Variants in STXBP6 observed in about 807,000 individuals in gnomAD.
STXBP6 encodes the protein syntaxin-binding protein 6.
A neutral mutation model predicts 26.9 loss-of-function variants in STXBP6; 21 were observed. The ratio of observed to expected loss-of-function variants is 0.78; its 90% CI spans 0.55 to 1.12. The LOEUF (loss-of-function observed/expected upper bound fraction) is 1.12. Ranked by LOEUF, STXBP6 falls within the 50% of genes most tolerant of loss-of-function variation. The pLI, the probability that STXBP6 is intolerant of heterozygous loss-of-function variation, is 0.00. For missense variants in STXBP6, 232 were observed against 257.9 expected (o/e 0.90, Z 0.69); for synonymous variants, 97 against 92.6 (o/e 1.05, Z -0.27).
chr14:24,881,886 G>C (rs2070369061), intron 2 of STXBP6, among the ~76,000 whole-genome samples: 1 of 152,224 alleles, frequency 6.6e-6, no homozygotes, highest in Non-Finnish European at 1.5e-5. Flanking sequence ...ATATCTCTAT[G>C]AATGGGGAAG....
At chr14:24,826,379 T>C (rs940308310) in intron 4 of STXBP6, among the ~76,000 whole-genome samples, 1 of 152,130 alleles carries the variant, frequency 6.6e-6, no homozygotes, top group African/African-American at 2.4e-5. Flanking sequence ...GTTTGGCCCA[T>C]AGACACTGAA....
chr14:24,924,438 T>C (rs2072090206), intron 2 of STXBP6, among the ~76,000 whole-genome samples: 2 of 152,202 alleles, frequency 1.3e-5, no homozygotes, highest in South Asian at 4.1e-4. Context: ...TAATGCAATT[T>C]TCTTCACAGA....
rs974891641 is a variant in STXBP6 at position 24,858,121 on chromosome 14, T to C, written c.155-964A>G. Among the ~76,000 whole-genome samples the C allele has an allele frequency of 2.6e-5, 4 of 152,112 alleles. No homozygotes were observed. The East Asian group carries it at 7.7e-4, about 29-fold the overall frequency. On this transcript the variant is annotated intron_variant, in intron 2 of 5. Transcript: ENST00000323944. ...TATGCATCTGTGGCATATTCTTTGT[T>C]TCGAATCACCCCACAGATTCCACAC...
At chr14:24,876,702 TA>T (rs1384958428) in intron 2 of STXBP6, among the ~76,000 whole-genome samples, 3 of 152,224 alleles carry the variant, frequency 2.0e-5, no homozygotes, top group Non-Finnish European at 4.4e-5. Context: ...AAGGTTCACT[TA>T]ATTTTAAAAT....
intron 2 of STXBP6, among the ~76,000 whole-genome samples, chr14:24,876,137 A>G (rs1322670373): frequency 1.3e-5 from 2 of 152,048 alleles, no homozygotes; most frequent in African/African-American, 4.8e-5. Flanking sequence ...ATCTCATTTA[A>G]CTCTGAAACT....
intron 2 of STXBP6, among the ~76,000 whole-genome samples, chr14:24,874,799 G>C (rs1435600188): frequency 1.3e-5 from 2 of 152,078 alleles, no homozygotes; most frequent in Admixed American, 1.3e-4. Flanking sequence ...GCACTACACG[G>C]TGGCTCTTTC....
At chr14:24,926,655 C>T (rs961321384) in intron 2 of STXBP6, among the ~76,000 whole-genome samples, 13 of 151,970 alleles carry the variant, frequency 8.6e-5, no homozygotes, top group African/African-American at 2.4e-4. Context: ...ATATTTCCAA[C>T]GCAGAGGCTA....
intron 1 of STXBP6, among the ~76,000 whole-genome samples, chr14:24,977,154 G>A (rs1331822678): frequency 6.6e-6 from 1 of 151,876 alleles, no homozygotes; most frequent in African/African-American, 2.4e-5. Context: ...ATGAGCCACC[G>A]CGCCCTGTCT....
intron 2 of STXBP6, among the ~76,000 whole-genome samples, chr14:24,938,200 C>T (rs2072671500): frequency 6.6e-6 from 1 of 152,096 alleles, no homozygotes; most frequent in Admixed American, 6.5e-5. Flanking sequence ...TTTTCTCACG[C>T]AAGAGCAGTA....
At chr14:24,846,795 A>G (rs1333911619) in intron 4 of STXBP6, among the ~76,000 whole-genome samples, 4 of 152,178 alleles carry the variant, frequency 2.6e-5, no homozygotes, top group Non-Finnish European at 4.4e-5. Context: ...TTTTTAAATC[A>G]ATGTCCAATT....
chr14:24,934,675 G>T (rs1178479521), intron 2 of STXBP6, among the ~76,000 whole-genome samples: 1 of 152,114 alleles, frequency 6.6e-6, no homozygotes, highest in African/African-American at 2.4e-5. Flanking sequence ...AAGGAAGCAT[G>T]TTTGCAGAAT....
At chr14:24,926,227 A>C (rs972951484) in intron 2 of STXBP6, among the ~76,000 whole-genome samples, 1 of 152,208 alleles carries the variant, frequency 6.6e-6, no homozygotes, top group African/African-American at 2.4e-5. Context: ...GAAAAGGGAA[A>C]AAAAAAGCCT....
intron 5 of STXBP6, among the ~76,000 whole-genome samples, 153 bp from the exon 6 acceptor site, chr14:24,812,885 C>T (rs768301598): frequency 7.9e-5 from 12 of 152,186 alleles, no homozygotes; most frequent in Non-Finnish European, 1.6e-4. Context: ...TACAGTAGCA[C>T]CTTTAAATGT....
At chr14:24,864,023 A>G (rs1422132433) in intron 2 of STXBP6, among the ~76,000 whole-genome samples, 1 of 152,204 alleles carries the variant, frequency 6.6e-6, no homozygotes, top group Non-Finnish European at 1.5e-5. Context: ...GATTAAATCC[A>G]ATTCCACCTA....
chr14:24,956,628 C>T (rs942015759), intron 2 of STXBP6, among the ~76,000 whole-genome samples: 1 of 152,084 alleles, frequency 6.6e-6, no homozygotes, highest in Non-Finnish European at 1.5e-5. Flanking sequence ...ACTCTCCACC[C>T]AACAAAGACA....
At chr14:24,994,624 C>G (rs2074555069) in intron 1 of STXBP6, among the ~76,000 whole-genome samples, 1 of 152,188 alleles carries the variant, frequency 6.6e-6, no homozygotes, top group Admixed American at 6.5e-5. Context: ...AATAATACTA[C>G]CTGTTAACAC....
At chr14:25,037,786 G>C (rs141529433) in intron 1 of STXBP6, among the ~76,000 whole-genome samples, 2 of 152,268 alleles carry the variant, frequency 1.3e-5, no homozygotes, top group African/African-American at 4.8e-5. Context: ...TCTTCCAGAG[G>C]GACTTCTACA....
At chr14:24,852,158 C>T (rs139617746) in intron 4 of STXBP6, among the ~76,000 whole-genome samples, 2 of 152,198 alleles carry the variant, frequency 1.3e-5, no homozygotes, top group African/African-American at 4.8e-5. Flanking sequence ...TATCTCCTGA[C>T]CTAACTCAGA....
intron 4 of STXBP6, among the ~76,000 whole-genome samples, chr14:24,830,761 G>A (rs1276037849): frequency 1.3e-5 from 2 of 152,228 alleles, no homozygotes; most frequent in East Asian, 1.9e-4. Context: ...TGGATCATCT[G>A]TAGGGAGCAA....
Sources: allele counts gnomAD v4.1 joint callset (sites outside exome capture counted in the v4.1 genomes callset), GRCh38; gene constraint gnomAD v4.1.1; transcripts MANE v1.5; gene names NCBI Gene and HGNC (gene_info 2026-07-23, HGNC 2026-07-21).